Variants in SLC26A9 observed in about 807,000 individuals in gnomAD.
The protein encoded by SLC26A9 is anion transporter/exchanger protein 9.
In SLC26A9, 46 loss-of-function variants were observed where a neutral mutation model predicts 87.1. The observed-to-expected ratio is 0.53, with a 90% confidence interval of 0.42 to 0.67. The LOEUF (loss-of-function observed/expected upper bound fraction) is 0.67. Ranked by LOEUF, SLC26A9 falls within the 30% of genes least tolerant of loss-of-function variation. The pLI is 0.00. For synonymous variants in SLC26A9, 437 were observed against 409.1 expected (o/e 1.07, Z -0.82); for missense variants, 927 against 1,018.3 (o/e 0.91, Z 1.22).
At chr1:205,924,351 G>C in intron 13 of SLC26A9, 32 bp downstream of exon 13, 2 of 1,601,142 alleles carry the variant, frequency 1.2e-6, no homozygotes, top group Non-Finnish European at 1.7e-6. Flanking sequence ...GGAACCGACT[G>C]TGGGCCTAGG....
Position 205,924,442 on chromosome 1 carries a change from G to A in SLC26A9, c.1437C>T (p.Pro479=), listed in dbSNP as rs138924415. The change falls in exon 13 of 21, where the codon CCC becomes CCT. Residue 479 remains proline (P), a synonymous_variant. Coordinates refer to ENST00000367135, the MANE Select transcript of SLC26A9 (RefSeq NM_052934.4). The part of the protein sequence containing the change: ...SFLSSFFLSL[P]YGVAVGVAFS... ...AGGCGACACCCACTGCCACACCATAGGGCAGGCTGAGGAAGAAGGAGGAGA... is the reference window on the plus strand; with the variant it reads ...AGGCGACACCCACTGCCACACCATAAGGCAGGCTGAGGAAGAAGGAGGAGA... The A allele has an allele frequency of 5.0e-5, 81 of 1,614,192 alleles. 1 individual carries two copies. In the African/African-American group the frequency reaches 5.7e-4, roughly 11 times the overall value.
chr1:205,929,102 T>C, intron 7 of SLC26A9, 102 bp downstream of exon 7: 2 of 1,534,114 alleles, frequency 1.3e-6, no homozygotes, highest in African/African-American at 1.4e-5. Context: ...TGACTTCCTG[T>C]CCCACTGGCT....
At chr1:205,930,134 G>C (rs914187635) in intron 5 of SLC26A9, 78 bp from the exon 6 acceptor site, 3 of 1,471,140 alleles carry the variant, frequency 2.0e-6, no homozygotes, top group Admixed American at 4.1e-5. Flanking sequence ...CCACACACAC[G>C]CAGGTCTGGA....
At chr1:205,918,734 T>G in intron 19 of SLC26A9, 106 bp downstream of exon 19, 31 of 1,393,942 alleles carry the variant, frequency 2.2e-5, no homozygotes, top group Non-Finnish European at 2.8e-5. Context: ...ATGGCAGACT[T>G]GATATTGGAA....
chr1:205,928,793 G>T, intron 8 of SLC26A9, 34 bp downstream of exon 8: 1 of 1,604,988 alleles, frequency 6.2e-7, no homozygotes, highest in Non-Finnish European at 8.5e-7. Context: ...CATGAGGTGC[G>T]GGTGGGCCAG....
At chr1:205,926,458 G>T in intron 12 of SLC26A9, 77 bp downstream of exon 12, 1 of 1,202,412 alleles carries the variant, frequency 8.3e-7, no homozygotes, top group Non-Finnish European at 1.2e-6. Context: ...TCATTGTTAG[G>T]ACAGGGCTGA....
chr1:205,933,608 C>G (rs996879363), intron 2 of SLC26A9, among the ~76,000 whole-genome samples: 4 of 152,188 alleles, frequency 2.6e-5, no homozygotes, highest in African/African-American at 9.7e-5. Context: ...CACAGGGGCA[C>G]TTAGTAAATA....
chr1:205,920,348 C>A (rs994156187), intron 17 of SLC26A9, 118 bp from the exon 18 acceptor site: 1 of 1,189,724 alleles, frequency 8.4e-7, no homozygotes, highest in African/African-American at 1.5e-5. Flanking sequence ...ACCCTGAGAG[C>A]CCAGCAGCCA....
At chr1:205,934,676 C>A (rs1213032937) in intron 2 of SLC26A9, among the ~76,000 whole-genome samples, 3 of 152,158 alleles carry the variant, frequency 2.0e-5, no homozygotes, top group Non-Finnish European at 4.4e-5. Context: ...TTGCTATATC[C>A]CTTTACAGCT....
chr1:205,930,557 T>A (rs939718443), intron 5 of SLC26A9, among the ~76,000 whole-genome samples: 1 of 152,094 alleles, frequency 6.6e-6, no homozygotes, highest in Non-Finnish European at 1.5e-5. Flanking sequence ...CTAATCCACC[T>A]CCCACTCATC....
chr1:205,935,363 G>A (rs932191001), intron 2 of SLC26A9, among the ~76,000 whole-genome samples: 1 of 152,070 alleles, frequency 6.6e-6, no homozygotes, highest in Non-Finnish European at 1.5e-5. Context: ...GGGCTCTGAT[G>A]CTCCCCACCC....
chr1:205,937,712 T>A (rs1659575005), intron 1 of SLC26A9, among the ~76,000 whole-genome samples: 1 of 152,262 alleles, frequency 6.6e-6, no homozygotes, highest in East Asian at 1.9e-4. Flanking sequence ...GGTCTCACTC[T>A]TCCTCTCCAC....
rs1553267977 is a variant in SLC26A9, at chr1:205,915,177, G to A, written c.*180C>T. The A allele has an allele frequency of 1.2e-6, 2 of 1,611,828 alleles. No individual in the cohort carries two copies. Among genetic ancestry groups the A allele is most frequent in the South Asian group, 2.2e-5 (2 of 90,852 alleles). On this transcript the variant is annotated 3_prime_UTR_variant, in exon 21 of 21. Coordinates refer to ENST00000367135, the MANE Select transcript of SLC26A9 (RefSeq NM_052934.4). ...GGTAGCACCCCCCTGCTGCTGAGAG[G>A]CTCTCTCTGGAGATGCGGGGAGGGA...
intron 5 of SLC26A9, chr1:205,930,412 A>C: frequency 1.2e-5 from 2 of 170,114 alleles, no homozygotes. Context: ...TACCTCCCAC[A>C]TCCAGTCTAT....
chr1:205,942,138 C>G (rs1177890861), intron 1 of SLC26A9, among the ~76,000 whole-genome samples: 2 of 152,208 alleles, frequency 1.3e-5, no homozygotes, highest in Non-Finnish European at 2.9e-5. Context: ...TGGGTATATG[C>G]CAATCTCCGG....
chr1:205,930,124 C>G (rs1208261288), intron 5 of SLC26A9, 68 bp from the exon 6 acceptor site: 1 of 1,502,524 alleles, frequency 6.7e-7, no homozygotes, highest in South Asian at 1.3e-5. Context: ...ACGACCCGCC[C>G]CACACACACG....
chr1:205,925,265 C>T (rs1181101200), intron 12 of SLC26A9, among the ~76,000 whole-genome samples: 1 of 152,138 alleles, frequency 6.6e-6, no homozygotes, highest in Non-Finnish European at 1.5e-5. Context: ...CTGCGTGGGC[C>T]CTGACAGGAG....
In SLC26A9 at chr1:205,923,452, G is replaced by A. The variant is rs12083912; in HGVS notation, c.1567-25C>T. ...CCTGTGACAGGGAGACTGAGCTCAA[G>A]TTGCAGAAATGTCTTTATTGGCTTT... On this transcript the variant is annotated intron_variant, in intron 14 of 20. Transcript: ENST00000367135. 3.1e-3 allele frequency: 5,037 copies of A among 1,613,986 alleles called. 148 individuals are homozygous for A. In the African/African-American group the frequency reaches 0.059, roughly 19 times the overall value.
chr1:205,932,714 G>A lies in SLC26A9; in HGVS notation c.364C>T (p.Gln122Ter). The stretch of plus-strand genomic sequence containing the variant: ...GGAGAGGCCTTACCTGGCACCATCT[G>A]GTGAACACCCCCCAGGAAGAAGTAG... ...LTYFFLGGVH[Q>*]MVPGTFAVIS... The change falls in exon 4 of 21, where the codon CAG (glutamine) becomes TAG (stop). Residue 122 changes from glutamine (Q) to a stop codon, truncating the protein, a stop_gained. Transcript: ENST00000367135. LOFTEE classifies it high-confidence loss of function. 6.3e-7 allele frequency: 1 copy of A among 1,576,296 alleles called. No homozygotes were observed. Among genetic ancestry groups the A allele is most frequent in the Non-Finnish European group, 8.6e-7 (1 of 1,162,774 alleles).
Sources: allele counts gnomAD v4.1 joint callset (sites outside exome capture counted in the v4.1 genomes callset), GRCh38; gene constraint gnomAD v4.1.1; transcripts MANE v1.5; gene names NCBI Gene and HGNC (gene_info 2026-07-23, HGNC 2026-07-21).